The following TTC7B variants were observed in gnomAD, a reference collection of about 807,000 sequenced individuals.
TTC7B encodes tetratricopeptide repeat domain 7B.
Under a neutral mutation model 106.8 loss-of-function variants are expected in TTC7B, and 28 were observed. The ratio of observed to expected loss-of-function variants is 0.26; its 90% CI spans 0.19 to 0.36. The LOEUF (loss-of-function observed/expected upper bound fraction) is 0.36. Ranked by LOEUF, TTC7B falls within the 10% of genes least tolerant of loss-of-function variation. The pLI, the probability that TTC7B is intolerant of heterozygous loss-of-function variation, is 1.00. For missense variants in TTC7B, 862 were observed against 1,076.4 expected (o/e 0.80, Z 2.79); for synonymous variants, 405 against 430.6 (o/e 0.94, Z 0.74).
In TTC7B at chr14:90,625,766, C is replaced by T. The variant is rs536026886; in HGVS notation, c.1752-7721G>A. 9.2e-5 allele frequency among the ~76,000 whole-genome samples: 14 copies of T among 152,296 alleles called. No homozygotes were observed. The South Asian group carries it at 2.9e-3, about 32-fold the overall frequency. On this transcript the variant is annotated intron_variant, in intron 15 of 19. Transcript: ENST00000328459. ...TGGGGCCTCCCAAAATGCACATCCTCAATAATGTCACGTGAATAATCGAAT... is the reference window on the plus strand; with the variant it reads ...TGGGGCCTCCCAAAATGCACATCCTTAATAATGTCACGTGAATAATCGAAT...
chr14:90,652,973 C>T (rs1885794658), intron 12 of TTC7B, 75 bp from the exon 13 acceptor site: 1 of 1,459,464 alleles, frequency 6.9e-7, no homozygotes, highest in African/African-American at 1.4e-5. Flanking sequence ...CATCACAAAA[C>T]CTGTACATTC....
At chr14:90,684,122 G>A (rs968293782) in intron 7 of TTC7B, among the ~76,000 whole-genome samples, 11 of 151,934 alleles carry the variant, frequency 7.2e-5, no homozygotes, top group Non-Finnish European at 1.2e-4. Context: ...CTTTTCCGCC[G>A]AGACCTACAA....
rs112199145 is a variant in TTC7B at position 90,530,216 on chromosome 14, C to T, written c.*11152G>A. Reference sequence around the variant, plus strand: ...CCGGGAGGTGGAGGTTGCAGTGAGCCGAGATCGCACCACTGCACTCCAGCC... The same window carrying T: ...CCGGGAGGTGGAGGTTGCAGTGAGCTGAGATCGCACCACTGCACTCCAGCC... On this transcript the variant is annotated 3_prime_UTR_variant, in exon 20 of 20. Coordinates refer to ENST00000328459, the MANE Select transcript of TTC7B (RefSeq NM_001010854.2). 0.039 allele frequency: 5,998 copies of T among 152,180 alleles called. 383 individuals carry two copies. The highest frequency in any genetic ancestry group is 0.14 in the African/African-American group (5,724 of 41,456). 9.4% of individuals were successfully genotyped at this position (152,180 alleles called of 1,614,324 possible).
intron 3 of TTC7B, among the ~76,000 whole-genome samples, chr14:90,755,730 T>A (rs985001859): frequency 6.3e-4 from 96 of 152,082 alleles, no homozygotes; most frequent in Non-Finnish European, 1.1e-3. Flanking sequence ...CAGACCTGGA[T>A]GCAAACCCTT....
In TTC7B at chr14:90,647,280, C is replaced by T. The variant is rs144739362; in HGVS notation, c.1518-257G>A. On this transcript the variant is annotated intron_variant, in intron 13 of 19. Coordinates refer to ENST00000328459, the MANE Select transcript of TTC7B (RefSeq NM_001010854.2). ...ATCTAAAATGGCAGCTGAAGCTTGTCGGCTTTGCGGAGGGCCTCGAGGTGA... is the reference window on the plus strand; with the variant it reads ...ATCTAAAATGGCAGCTGAAGCTTGTTGGCTTTGCGGAGGGCCTCGAGGTGA... 3.8e-4 allele frequency: 166 copies of T among 432,398 alleles called. No homozygotes were observed. The East Asian group carries it at 4.9e-3, about 13-fold the overall frequency. 26.8% of individuals were successfully genotyped at this position (432,398 alleles called of 1,614,324 possible).
chr14:90,696,995 A>C (rs954931345), intron 5 of TTC7B, among the ~76,000 whole-genome samples: 7 of 152,224 alleles, frequency 4.6e-5, no homozygotes, highest in African/African-American at 1.7e-4. Context: ...GGCGGGAAGG[A>C]AATAGCTACA....
At chr14:90,816,116 C>G (rs2031171208) in intron 1 of TTC7B, 59 bp downstream of exon 1, 1 of 998,078 alleles carries the variant, frequency 1.0e-6, no homozygotes, top group African/African-American at 1.8e-5. Flanking sequence ...CCTCGGGGGC[C>G]CGTTCCCGCG....
rs74960441 is a variant in TTC7B, at chr14:90,714,925, T to C, written c.698+15150A>G. ...TCTATTTTCTCATTCTTTCACCTCT[T>C]ACATCACTTCTTGATCAATTTTCAC... On this transcript the variant is annotated intron_variant, in intron 5 of 19. Coordinates refer to ENST00000328459, the MANE Select transcript of TTC7B (RefSeq NM_001010854.2). Among the ~76,000 whole-genome samples, 41 of 152,298 alleles carry C rather than the reference T, an allele frequency of 2.7e-4. No homozygotes were observed. In the East Asian group the frequency reaches 4.4e-3, roughly 16 times the overall value.
chr14:90,771,577 G>A lies in TTC7B; in HGVS notation c.445+9161C>T, dbSNP rs182345325. Among the ~76,000 whole-genome samples, 143 of 152,134 alleles carry A rather than the reference G, an allele frequency of 9.4e-4. 2 individuals carry two copies. In the East Asian group the frequency reaches 0.026, roughly 28 times the overall value. On this transcript the variant is annotated intron_variant, in intron 3 of 19. Transcript: ENST00000328459. ...ATTGCGCCACTGCACTCCAACCTGG[G>A]CGACAAAGCAAGACCCCGTCTCAAA... is the stretch of plus-strand genomic sequence containing the variant.
At position 90,624,962 on chromosome 14, in the gene TTC7B, G is replaced by C. The variant is rs1169568750; in HGVS notation, c.1752-6917C>G. ...CTGTGCAGAAAAGCATGCGGGATCT[G>C]CCCAAGCGGGGCAGCGGCTGAGGGG... On this transcript the variant is annotated intron_variant, in intron 15 of 19. Coordinates refer to ENST00000328459, the MANE Select transcript of TTC7B (RefSeq NM_001010854.2). This position sits in a 1 kb window ranked among gnomAD's most constrained non-coding sequence, Gnocchi z 4.0. Among the ~76,000 whole-genome samples, 1 of 152,196 alleles carries C rather than the reference G, an allele frequency of 6.6e-6. No homozygotes were observed. Among genetic ancestry groups the C allele is most frequent in the Non-Finnish European group, 1.5e-5 (1 of 68,032 alleles).
intron 7 of TTC7B, 112 bp downstream of exon 7, chr14:90,689,428 T>C: frequency 5.3e-6 from 5 of 942,388 alleles, no homozygotes; most frequent in Non-Finnish European, 7.9e-6. Context: ...CACTTGTTCA[T>C]TTGATTTTCT....
At chr14:90,718,595 G>A (rs1020836830) in intron 5 of TTC7B, among the ~76,000 whole-genome samples, 7 of 152,094 alleles carry the variant, frequency 4.6e-5, no homozygotes, top group Non-Finnish European at 8.8e-5. Context: ...AATAGGAGCC[G>A]TAAGTTCCAT....
At chr14:90,566,714 G>A (rs893463662) in intron 19 of TTC7B, among the ~76,000 whole-genome samples, 1 of 152,190 alleles carries the variant, frequency 6.6e-6, no homozygotes. Flanking sequence ...GGCCCATGGG[G>A]TGGGGAATTT....
chr14:90,652,819 GA>G, intron 13 of TTC7B, 21 bp downstream of exon 13: 3 of 1,613,724 alleles, frequency 1.9e-6, no homozygotes, highest in Non-Finnish European at 2.5e-6. Context: ...ACAGCCGAGT[GA>G]AAAGATGAAC....
intron 3 of TTC7B, among the ~76,000 whole-genome samples, chr14:90,754,580 C>G (rs1890229677): frequency 1.3e-5 from 2 of 152,120 alleles, no homozygotes; most frequent in African/African-American, 4.8e-5. Flanking sequence ...TAAATAACAG[C>G]TTGATTGAGA....
chr14:90,547,689 T>C (rs1305129142), intron 19 of TTC7B, among the ~76,000 whole-genome samples: 1 of 152,102 alleles, frequency 6.6e-6, no homozygotes, highest in Non-Finnish European at 1.5e-5. Context: ...CCCAGCTACT[T>C]GGGAGGCTGA....
intron 4 of TTC7B, among the ~76,000 whole-genome samples, chr14:90,732,219 T>C (rs74803822): frequency 0.01 from 1,547 of 152,300 alleles, 13 homozygotes; most frequent in Non-Finnish European, 0.016. Flanking sequence ...GTAACCAAAG[T>C]TACACTTTAG....
chr14:90,565,664 T>C (rs531415877), intron 19 of TTC7B, among the ~76,000 whole-genome samples: 7 of 152,222 alleles, frequency 4.6e-5, no homozygotes, highest in African/African-American at 1.7e-4. Context: ...CCTCCCAATG[T>C]GCTGGGATTA....
Position 90,755,138 on chromosome 14 carries a change from T to A in TTC7B, c.446-10216A>T, listed in dbSNP as rs929435394. 2.0e-5 allele frequency among the ~76,000 whole-genome samples: 3 copies of A among 152,202 alleles called. No individual in the cohort carries two copies. In the East Asian group the frequency reaches 5.8e-4, roughly 29 times the overall value. Reference sequence around the variant, plus strand: ...GATGAACAATGGGGCTGTCTCCACTTTGGGGATGTATGAAGAATGCTGCTA... The same window carrying A: ...GATGAACAATGGGGCTGTCTCCACTATGGGGATGTATGAAGAATGCTGCTA... On this transcript the variant is annotated intron_variant, in intron 3 of 19. Transcript: ENST00000328459.
Sources: gnomAD v4.1 joint callset for allele counts (sites outside exome capture counted in the v4.1 genomes callset) on GRCh38, gnomAD v4.1.1 for gene constraint, Gnocchi (gnomAD v3.1) non-coding constraint, MANE v1.5 for transcripts, NCBI Gene and HGNC (gene_info 2026-07-23, HGNC 2026-07-21) for gene names.